PDZD2: variants seen among roughly 807,000 people sequenced by gnomAD.
The protein encoded by PDZD2 is PDZ domain-containing protein 2.
In PDZD2, 90 loss-of-function variants were observed where a neutral mutation model predicts 220.7. The ratio of observed to expected loss-of-function variants is 0.41; its 90% CI spans 0.34 to 0.49. The LOEUF (loss-of-function observed/expected upper bound fraction) is 0.49. PDZD2 is among the 20% of genes least tolerant of loss of function. PDZD2 has a pLI of 0.28. For missense variants in PDZD2, 3,174 were observed against 3,608.5 expected (o/e 0.88, Z 3.08); for synonymous variants, 1,375 against 1,450.5 (o/e 0.95, Z 1.18).
At chr5:32,041,922 A>AAAG (rs1554031853) in intron 7 of PDZD2, among the ~76,000 whole-genome samples, 6 of 149,674 alleles carry the variant, frequency 4.0e-5, no homozygotes, top group East Asian at 3.9e-4. Flanking sequence ...AAAAAAAAAA[A>AAAG]AAAACATCAA....
chr5:31,806,906 C>T (rs1754748112), intron 2 of PDZD2, among the ~76,000 whole-genome samples: 1 of 149,400 alleles, frequency 6.7e-6, no homozygotes, highest in African/African-American at 2.5e-5. Context: ...CGCATTTTTG[C>T]AGAATGTAAA....
chr5:31,918,129 A>G (rs1743849489), intron 2 of PDZD2, among the ~76,000 whole-genome samples: 1 of 152,318 alleles, frequency 6.6e-6, no homozygotes, highest in South Asian at 2.1e-4. Flanking sequence ...TTAAACAACC[A>G]GATTTCATGA....
intron 1 of PDZD2, among the ~76,000 whole-genome samples, chr5:31,705,547 C>T (rs1427348386): frequency 1.3e-5 from 2 of 152,122 alleles, no homozygotes; most frequent in Non-Finnish European, 2.9e-5. Flanking sequence ...CTTACAGTAA[C>T]TCCATCTAAT....
intron 6 of PDZD2, among the ~76,000 whole-genome samples, chr5:32,016,033 C>T (rs1360305831): frequency 2.0e-5 from 3 of 152,168 alleles, no homozygotes; most frequent in East Asian, 1.9e-4. Context: ...AACTTTTGGG[C>T]GATTCAGGTT....
At chr5:31,671,214 G>T (rs190878499) in intron 1 of PDZD2, among the ~76,000 whole-genome samples, 1,566 of 152,288 alleles carry the variant, frequency 0.01, 12 homozygotes, top group Admixed American at 0.021. Flanking sequence ...GAAGATAAGT[G>T]CAAGGAATGG....
Position 32,087,166 on chromosome 5 carries a change from G to A in PDZD2, c.3718G>A (p.Gly1240Arg). 6.2e-7 allele frequency: 1 copy of A among 1,613,492 alleles called. No individual in the cohort carries two copies. Residue 1240 changes from glycine to arginine, a missense_variant, in exon 20 of 25, where the codon GGG becomes AGG. Coordinates refer to ENST00000438447, the MANE Select transcript of PDZD2 (RefSeq NM_178140.4). The surrounding 1 kb of genome is among the most constrained non-coding windows in gnomAD (Gnocchi z 4.0). ...DSSSDLISSP[G>R]KKGAAHPDPS... ...CTCCTCAGACCTCATCTCTTCCCCA[G>A]GGAAGAAGGGGGCCGCTCATCCTGA...
chr5:31,935,785 G>C lies in PDZD2; in HGVS notation c.477-47370G>C, dbSNP rs554303596. Among the ~76,000 whole-genome samples, 27 of 152,250 alleles carry C rather than the reference G, an allele frequency of 1.8e-4. No homozygotes were observed. The South Asian group carries it at 5.6e-3, about 32-fold the overall frequency. ...AAGTACACATTTTGATAGTATTTTG[G>C]TTTTCTCCTGCCTGAAATCTTCAGT... On this transcript the variant is annotated intron_variant, in intron 2 of 24. Transcript: ENST00000438447.
At chr5:32,007,094 T>C (rs1752889070) in intron 5 of PDZD2, among the ~76,000 whole-genome samples, 1 of 151,744 alleles carries the variant, frequency 6.6e-6, no homozygotes. Context: ...TTTTTTTGTA[T>C]TTTTTAGTAG....
intron 2 of PDZD2, among the ~76,000 whole-genome samples, chr5:31,904,903 C>T (rs1393099549): frequency 1.3e-5 from 2 of 152,078 alleles, no homozygotes; most frequent in African/African-American, 2.4e-5. Context: ...GTTTCAAATT[C>T]GCCTATAAAA....
chr5:32,039,490 C>G (rs955725177), intron 7 of PDZD2, among the ~76,000 whole-genome samples: 1 of 152,246 alleles, frequency 6.6e-6, no homozygotes, highest in African/African-American at 2.4e-5. Flanking sequence ...CTTGGCCTCC[C>G]AAAGTGCTAA....
In PDZD2 at chr5:32,019,903, T is replaced by C. The variant is rs180735608; in HGVS notation, c.1407+9421T>C. On this transcript the variant is annotated intron_variant, in intron 6 of 24. Transcript: ENST00000438447. ...CTGTCTTTGCGCATTTCATTAGTGT[T>C]CCAAGAAGGCTTCTCACCCCTGTTC... Among the ~76,000 whole-genome samples the C allele has an allele frequency of 2.2e-3, 330 of 152,210 alleles. 2 individuals are homozygous for C. Among genetic ancestry groups the C allele is most frequent in the African/African-American group, 7.4e-3 (307 of 41,544 alleles).
chr5:31,777,433 C>G (rs556094095), intron 1 of PDZD2, among the ~76,000 whole-genome samples: 106 of 152,326 alleles, frequency 7.0e-4, no homozygotes, highest in African/African-American at 2.5e-3. Flanking sequence ...CCGGAGCCTC[C>G]CCGACGGGCG....
chr5:32,036,708 G>A (rs929437822), intron 6 of PDZD2, among the ~76,000 whole-genome samples: 2 of 152,186 alleles, frequency 1.3e-5, no homozygotes, highest in African/African-American at 2.4e-5. Flanking sequence ...AGAACATTTG[G>A]TTGACTAAAA....
intron 19 of PDZD2, among the ~76,000 whole-genome samples, chr5:32,085,449 A>ATTTT (rs760556899): frequency 6.8e-6 from 1 of 146,864 alleles, no homozygotes. Flanking sequence ...ATACCTTATT[A>ATTTT]TTATTTTTTT....
Position 32,035,070 on chromosome 5 carries a change from A to G in PDZD2, c.1408-2161A>G, listed in dbSNP as rs1057314632. ...CAATGCCCCTTTCTCAATTTTGCCT[A>G]CGTTTCCTCATTCTCAGACCTTTTT... On this transcript the variant is annotated intron_variant, in intron 6 of 24. Transcript: ENST00000438447. Among the ~76,000 whole-genome samples the G allele has an allele frequency of 4.6e-5, 7 of 152,310 alleles. No individual in the cohort carries two copies. In the South Asian group the frequency reaches 1.2e-3, roughly 27 times the overall value.
rs145722547 is a variant in PDZD2 at position 31,983,540 on chromosome 5, A to C, written c.862A>C (p.Arg288=). The change falls in exon 3 of 25, where the codon AGA becomes CGA. Residue 288 remains arginine, a synonymous_variant. Transcript: ENST00000438447. ...GPHLERSEVD[R]GTEHRIPKTD... ...CCATCTAGAGAGGTCAGAAGTGGAC[A>C]GAGGGACAGAGCATAGAATTCCAAA... 6.2e-7 allele frequency: 1 copy of C among 1,614,126 alleles called. No individual in the cohort carries two copies. The highest frequency in any genetic ancestry group is 8.5e-7 in the Non-Finnish European group (1 of 1,180,056).
rs1743064549 is a variant in PDZD2, at chr5:32,090,821, T to A, written c.7373T>A (p.Leu2458Gln). The A allele has an allele frequency of 6.2e-7, 1 of 1,613,978 alleles. No individual in the cohort carries two copies. The highest frequency in any genetic ancestry group is 1.3e-5 in the African/African-American group (1 of 74,926). Reference sequence around the variant, plus strand: ...GGAATTCCCACCCCAACGATGACCCTGGCTTCTCCTGTTAAGAGGAACAAG... The same window carrying A: ...GGAATTCCCACCCCAACGATGACCCAGGCTTCTCCTGTTAAGAGGAACAAG... ...PLGIPTPTMT[L>Q]ASPVKRNKSS... Residue 2458 changes from leucine to glutamine, a missense_variant, in exon 20 of 25, where the codon CTG becomes CAG. Leu to Gln is a moderately radical substitution (Grantham distance 113). Around this residue, in one of 4 missense-constraint regions of PDZD2, gnomAD observed 631 missense variants for 789.9 expected, o/e 0.80. Transcript: ENST00000438447. The surrounding 1 kb of genome is among the most constrained non-coding windows in gnomAD (Gnocchi z 4.3).
At position 31,951,640 on chromosome 5, in the gene PDZD2, T is replaced by A. The variant is rs145064567; in HGVS notation, c.477-31515T>A. The stretch of plus-strand genomic sequence containing the variant: ...CCTTTTAATTGCTGAATAGTATTCC[T>A]TTGTATACATGTGCCACAGTTGGTT... On this transcript the variant is annotated intron_variant, in intron 2 of 24. Transcript: ENST00000438447. Among the ~76,000 whole-genome samples, 535 of 152,364 alleles carry A rather than the reference T, an allele frequency of 3.5e-3. 1 individual carries two copies. The highest frequency in any genetic ancestry group is 0.012 in the African/African-American group (515 of 41,590).
intron 23 of PDZD2, chr5:32,099,213 G>C (rs1744028031): frequency 6.5e-6 from 1 of 153,130 alleles, no homozygotes; most frequent in Non-Finnish European, 1.5e-5. Context: ...GTCTGTTTCT[G>C]CAGTGCGAGC....
Sources: allele counts gnomAD v4.1 joint callset (sites outside exome capture counted in the v4.1 genomes callset), GRCh38; gene constraint gnomAD v4.1.1; regional missense constraint gnomAD v4.1.1; non-coding constraint Gnocchi (gnomAD v3.1); transcripts MANE v1.5; gene names NCBI Gene and HGNC (gene_info 2026-07-23, HGNC 2026-07-21).